The following FNIP1 variants were observed in gnomAD, a reference collection of about 807,000 sequenced individuals.
The protein encoded by FNIP1 is folliculin-interacting protein 1.
Under a neutral mutation model 124.5 loss-of-function variants are expected in FNIP1, and 40 were observed. That is an observed-to-expected ratio of 0.32 (90% CI 0.25 to 0.42). The LOEUF is 0.42. Ranked by LOEUF, FNIP1 falls within the 10% of genes least tolerant of loss-of-function variation. The pLI, the probability that FNIP1 is intolerant of heterozygous loss-of-function variation, is 1.00. For missense variants in FNIP1, 1,176 were observed against 1,403.7 expected (o/e 0.84, Z 2.59); for synonymous variants, 472 against 470.6 (o/e 1.00, Z -0.04).
At chr5:131,664,634 C>CAAA (rs33956526) in intron 15 of FNIP1, among the ~76,000 whole-genome samples, 1,220 of 76,574 alleles carry the variant, frequency 0.016, 59 homozygotes, top group East Asian at 0.14. Flanking sequence ...GACCCTGTCT[C>CAAA]AAAAAAAAAA....
At position 131,651,922 on chromosome 5, in the gene FNIP1, G is replaced by A. The variant is rs953458428; in HGVS notation, c.3186C>T (p.Ala1062=). The A allele has an allele frequency of 1.2e-6, 2 of 1,614,082 alleles. No individual in the cohort carries two copies. The highest frequency in any genetic ancestry group is 1.7e-6 in the Non-Finnish European group (2 of 1,180,024). ...ADMDKWTVQV[A]SSQRRVTDNK... The stretch of plus-strand genomic sequence containing the variant: ...TATCTGTCACTCGTCTCTGGCTACT[G>A]GCCACTTGAACAGTCCATTTATCCA... Residue 1062 remains alanine, a synonymous_variant, in exon 16 of 18, where the codon GCC becomes GCT. Coordinates refer to ENST00000510461, the MANE Select transcript of FNIP1 (RefSeq NM_133372.3).
At chr5:131,725,677 A>G (rs1299661062) in intron 3 of FNIP1, among the ~76,000 whole-genome samples, 2 of 152,176 alleles carry the variant, frequency 1.3e-5, no homozygotes, top group South Asian at 4.1e-4. Flanking sequence ...TCCTATTTGA[A>G]TACCCTTTAT....
chr5:131,653,279 T>C (rs1767095875), intron 15 of FNIP1, among the ~76,000 whole-genome samples: 1 of 151,934 alleles, frequency 6.6e-6, no homozygotes, highest in African/African-American at 2.4e-5. Flanking sequence ...AGTTCACGCC[T>C]ATAATGCAGG....
chr5:131,713,785 C>G (rs150517980), intron 6 of FNIP1, among the ~76,000 whole-genome samples: 1 of 152,172 alleles, frequency 6.6e-6, no homozygotes, highest in Non-Finnish European at 1.5e-5. Flanking sequence ...CTAATCTGGT[C>G]CACTCTATGT....
chr5:131,697,190 T>TA (rs971477921), intron 11 of FNIP1, among the ~76,000 whole-genome samples: 7 of 151,908 alleles, frequency 4.6e-5, no homozygotes, highest in East Asian at 1.9e-4. Context: ...CAGTTGTCAA[T>TA]AAAAAAAATG....
chr5:131,758,129 AAT>A (rs1771110593), intron 1 of FNIP1, among the ~76,000 whole-genome samples: 1 of 152,242 alleles, frequency 6.6e-6, no homozygotes, highest in African/African-American at 2.4e-5. Context: ...AATTGCTTAG[AAT>A]ATGATATTAA....
At chr5:131,662,418 A>T (rs568324840) in intron 15 of FNIP1, among the ~76,000 whole-genome samples, 1 of 152,366 alleles carries the variant, frequency 6.6e-6, no homozygotes, top group South Asian at 2.1e-4. Context: ...TAAAAGAAAG[A>T]TGCATAATAA....
chr5:131,694,152 G>A (rs1180113828), intron 11 of FNIP1, among the ~76,000 whole-genome samples: 1 of 152,186 alleles, frequency 6.6e-6, no homozygotes, highest in Admixed American at 6.5e-5. Flanking sequence ...CATTTTGGAT[G>A]ACAGTTTGAT....
intron 2 of FNIP1, 124 bp downstream of exon 2, chr5:131,744,440 T>G: frequency 1.1e-6 from 1 of 934,022 alleles, no homozygotes; most frequent in African/African-American, 1.7e-5. Flanking sequence ...AAACATTTCC[T>G]TCTCCCTCAG....
chr5:131,786,534 A>G (rs532399753), intron 1 of FNIP1, among the ~76,000 whole-genome samples: 2 of 152,320 alleles, frequency 1.3e-5, no homozygotes, highest in East Asian at 1.9e-4. Flanking sequence ...AACTAAAATG[A>G]AGGCTGGAAA....
intron 1 of FNIP1, among the ~76,000 whole-genome samples, chr5:131,753,895 C>A (rs1448985346): frequency 6.6e-6 from 1 of 151,696 alleles, no homozygotes; most frequent in East Asian, 1.9e-4. Flanking sequence ...CTCACTGAAA[C>A]CTCCACCTCC....
chr5:131,730,711 C>G (rs906596105), intron 3 of FNIP1, among the ~76,000 whole-genome samples, 193 bp downstream of exon 3: 6 of 152,122 alleles, frequency 3.9e-5, no homozygotes, highest in African/African-American at 1.2e-4. Context: ...GCAATCTATG[C>G]CTATAGCTTT....
At chr5:131,675,209 G>C (rs1262602055) in intron 13 of FNIP1, among the ~76,000 whole-genome samples, 1 of 152,134 alleles carries the variant, frequency 6.6e-6, no homozygotes, top group Non-Finnish European at 1.5e-5. Flanking sequence ...CAATATCTCT[G>C]CCAGTCCATA....
chr5:131,743,523 G>A (rs953047693), intron 2 of FNIP1, among the ~76,000 whole-genome samples: 7 of 152,034 alleles, frequency 4.6e-5, no homozygotes, highest in Non-Finnish European at 1.0e-4. Flanking sequence ...TGAGAGGGAC[G>A]AAGAGGCCAG....
At chr5:131,732,595 C>T (rs1770135129) in intron 2 of FNIP1, among the ~76,000 whole-genome samples, 1 of 152,154 alleles carries the variant, frequency 6.6e-6, no homozygotes, top group Non-Finnish European at 1.5e-5. Flanking sequence ...GAATCCTTTC[C>T]CCATTGCTTG....
intron 1 of FNIP1, among the ~76,000 whole-genome samples, chr5:131,770,055 C>A (rs181961955): frequency 6.6e-6 from 1 of 152,198 alleles, no homozygotes; most frequent in South Asian, 2.1e-4. Context: ...GAGGTTCATG[C>A]AGTAAACAAG....
intron 1 of FNIP1, among the ~76,000 whole-genome samples, chr5:131,781,730 G>T (rs1398785875): frequency 6.6e-6 from 1 of 152,092 alleles, no homozygotes; most frequent in Non-Finnish European, 1.5e-5. Flanking sequence ...CTCCAATGGT[G>T]ATGTACAAGG....
At chr5:131,783,961 A>G (rs950363722) in intron 1 of FNIP1, among the ~76,000 whole-genome samples, 13 of 152,006 alleles carry the variant, frequency 8.6e-5, no homozygotes, top group Admixed American at 2.6e-4. Flanking sequence ...GAATAATCCA[A>G]AGAGGAAGAA....
Position 131,670,562 on chromosome 5 carries a change from G to C in FNIP1, c.3009C>G (p.Gly1003=). The C allele has an allele frequency of 6.2e-7, 1 of 1,613,716 alleles. No homozygotes were observed. The highest frequency in any genetic ancestry group is 2.2e-5 in the East Asian group (1 of 44,856). Residue 1003 remains glycine, a synonymous_variant, in exon 15 of 18, where the codon GGC becomes GGG. Coordinates refer to ENST00000510461, the MANE Select transcript of FNIP1 (RefSeq NM_133372.3). ...AGTCAGGCACATAAGATGAGCAGTA[G>C]CCACCCAGCAAGGACCTCCCGAAGT... The part of the protein sequence containing the change: ...IANFGRSLLG[G]YCSSYVPDFV...
Sources: gnomAD v4.1 joint callset for allele counts (sites outside exome capture counted in the v4.1 genomes callset) on GRCh38, gnomAD v4.1.1 for gene constraint, MANE v1.5 for transcripts, NCBI Gene and HGNC (gene_info 2026-07-23, HGNC 2026-07-21) for gene names.